Variants in HMCN1 observed in about 807,000 individuals in gnomAD.
The protein encoded by HMCN1 is hemicentin-1.
A neutral mutation model predicts 625.9 loss-of-function variants in HMCN1; 321 were observed. That is an observed-to-expected ratio of 0.51 (90% confidence interval 0.47 to 0.56). HMCN1 has a LOEUF of 0.56. Ranked by LOEUF, HMCN1 falls within the 20% of genes least tolerant of loss-of-function variation. The probability of loss-of-function intolerance (pLI) is 0.00; values close to 1 mark genes in which losing one functional copy is unlikely to be tolerated. For missense variants in HMCN1, 6,588 were observed against 6,887.3 expected (o/e 0.96, Z 1.54); for synonymous variants, 2,425 against 2,417.6 (o/e 1.00, Z -0.09).
chr1:186,187,777 G>A, intron 105 of HMCN1, 106 bp from the exon 106 acceptor site: 1 of 1,443,206 alleles, frequency 6.9e-7, no homozygotes, highest in Non-Finnish European at 9.7e-7. Context: ...TTCATGGCAG[G>A]AGAAGGCTAG....
chr1:185,878,550 A>T (rs917907508), intron 4 of HMCN1, among the ~76,000 whole-genome samples: 3 of 151,992 alleles, frequency 2.0e-5, no homozygotes, highest in African/African-American at 7.3e-5. Context: ...TGATTTGTGG[A>T]TGTTGAACCA....
At position 185,978,001 on chromosome 1, in the gene HMCN1, T is replaced by TAACATAAAAGTACATA; in HGVS notation, c.2566+20_2566+21insAACATAAAAGTACATA. 1 of 1,540,650 alleles carries TAACATAAAAGTACATA rather than the reference T, an allele frequency of 6.5e-7. No homozygotes were observed. The highest frequency in any genetic ancestry group is 9.0e-7 in the Non-Finnish European group (1 of 1,114,178). On this transcript the variant is annotated intron_variant, in intron 16 of 106. Transcript: ENST00000271588. ...TTTTAAGTAGGTTGAAGGAAATATA[T>TAACATAAAAGTACATA]TTTGTACGAATATGTACTTTTATGT...
In HMCN1 at chr1:185,987,521, A is replaced by G; in HGVS notation, c.3025A>G (p.Lys1009Glu). 6.2e-7 allele frequency: 1 copy of G among 1,611,966 alleles called. No individual in the cohort carries two copies. The highest frequency in any genetic ancestry group is 8.5e-7 in the Non-Finnish European group (1 of 1,178,008). ...TLPCKASGNP[K>E]PSVIWSKKGE... ...ACCATGCAAAGCAAGTGGAAATCCCAAACCGTCTGTCATCTGGTCCAAGGT... is the reference window on the plus strand; with the variant it reads ...ACCATGCAAAGCAAGTGGAAATCCCGAACCGTCTGTCATCTGGTCCAAGGT... Residue 1009 changes from lysine to glutamate, a missense_variant, in exon 20 of 107, where the codon AAA becomes GAA. By Grantham distance (56) the Lys-to-Glu change is moderately conservative (BLOSUM62 1). This residue lies in a region of HMCN1 where 4,628 missense variants were observed against 4,853.1 expected (regional missense o/e 0.95). Coordinates refer to ENST00000271588, the MANE Select transcript of HMCN1 (RefSeq NM_031935.3).
In HMCN1 at chr1:185,954,551, A is replaced by G. The variant is rs571648810; in HGVS notation, c.1829-7967A>G. Among the ~76,000 whole-genome samples the G allele has an allele frequency of 2.0e-5, 3 of 152,236 alleles. No homozygotes were observed. In the South Asian group the frequency reaches 6.2e-4, roughly 32 times the overall value. ...GGTAAGGCCTTTTTAAACAACAATC[A>G]ACAATTGTTGATCCTCTAGATTCCT... On this transcript the variant is annotated intron_variant, in intron 11 of 106. Transcript: ENST00000271588.
At chr1:185,893,138 T>C (rs1665238827) in intron 4 of HMCN1, among the ~76,000 whole-genome samples, 1 of 152,252 alleles carries the variant, frequency 6.6e-6, no homozygotes, top group African/African-American at 2.4e-5. Flanking sequence ...TTGCACTTCC[T>C]GAGTGAGGCA....
In HMCN1 at chr1:185,820,828, A is replaced by G. The variant is rs376117209; in HGVS notation, c.269-25198A>G. ...TTTATGTCTGCAAAGCGCTTGCCATAAACTACAAGTGAAATGGACCATCTA... is the reference window on the plus strand; with the variant it reads ...TTTATGTCTGCAAAGCGCTTGCCATGAACTACAAGTGAAATGGACCATCTA... On this transcript the variant is annotated intron_variant, in intron 1 of 106. Coordinates refer to ENST00000271588, the MANE Select transcript of HMCN1 (RefSeq NM_031935.3). Among the ~76,000 whole-genome samples the G allele has an allele frequency of 3.2e-4, 48 of 152,222 alleles. No individual in the cohort carries two copies. In the East Asian group the frequency reaches 6.2e-3, roughly 20 times the overall value.
At chr1:186,004,396 G>A (rs1028652758) in intron 29 of HMCN1, among the ~76,000 whole-genome samples, 9 of 152,138 alleles carry the variant, frequency 5.9e-5, no homozygotes, top group Admixed American at 2.0e-4. Context: ...AGATATCTAA[G>A]GCCTAAGTAG....
chr1:185,845,946 A>T lies in HMCN1; in HGVS notation c.269-80A>T. On this transcript the variant is annotated intron_variant, in intron 1 of 106. Coordinates refer to ENST00000271588, the MANE Select transcript of HMCN1 (RefSeq NM_031935.3). Reference sequence around the variant, plus strand: ...ATAAGTAACCATGTACTGCAAGGTGAAAAGACATCTATAAACACAAGAAAG... The same window carrying T: ...ATAAGTAACCATGTACTGCAAGGTGTAAAGACATCTATAAACACAAGAAAG... The T allele has an allele frequency of 3.4e-6, 3 of 883,066 alleles. No homozygotes were observed. In the East Asian group the frequency reaches 7.3e-5, roughly 22 times the overall value. The allele number at this position is 883,066 out of a possible 1,614,324, so 54.7% of individuals were successfully genotyped here.
intron 36 of HMCN1, among the ~76,000 whole-genome samples, chr1:186,034,135 A>T (rs563065071): frequency 6.6e-6 from 1 of 152,192 alleles, no homozygotes; most frequent in Non-Finnish European, 1.5e-5. Flanking sequence ...TATCAGAGTG[A>T]TATAATGTGA....
intron 19 of HMCN1, among the ~76,000 whole-genome samples, chr1:185,985,148 G>T (rs1426946091): frequency 6.6e-6 from 1 of 152,122 alleles, no homozygotes; most frequent in African/African-American, 2.4e-5. Flanking sequence ...TGTTATGTCT[G>T]CTTCTCTTAA....
intron 6 of HMCN1, 68 bp downstream of exon 6, chr1:185,911,848 CA>C: frequency 8.4e-7 from 1 of 1,194,698 alleles, no homozygotes; most frequent in East Asian, 2.3e-5. Context: ...GAAGTATACA[CA>C]ATGGTTTTTT....
intron 4 of HMCN1, among the ~76,000 whole-genome samples, chr1:185,889,442 G>C (rs1459761687): frequency 2.0e-5 from 3 of 146,684 alleles, no homozygotes; most frequent in Admixed American, 2.0e-4. Context: ...TACTGGCTGT[G>C]GGTTTGTCAT....
In HMCN1 at chr1:185,982,367, G is replaced by C; in HGVS notation, c.2768G>C (p.Arg923Pro). The change falls in exon 18 of 107, where the codon CGG (arginine) becomes CCG (proline). Residue 923 changes from arginine (R) to proline (P), a missense_variant. This residue lies in a region of HMCN1 where 4,628 missense variants were observed against 4,853.1 expected (regional missense o/e 0.95). Coordinates refer to ENST00000271588, the MANE Select transcript of HMCN1 (RefSeq NM_031935.3). ...LLAGNPIPER[R>P]WIKNSAMLLQ... ...GCTGGAAATCCCATTCCAGAACGTCGGTGGATTAAGAATTCAGCTATGGTA... is the reference window on the plus strand; with the variant it reads ...GCTGGAAATCCCATTCCAGAACGTCCGTGGATTAAGAATTCAGCTATGGTA... The C allele has an allele frequency of 1.9e-6, 3 of 1,613,400 alleles. No individual in the cohort carries two copies. Among genetic ancestry groups the C allele is most frequent in the Non-Finnish European group, 2.5e-6 (3 of 1,179,596 alleles).
intron 1 of HMCN1, among the ~76,000 whole-genome samples, chr1:185,769,526 TATAAAA>T (rs934933442): frequency 3.3e-5 from 5 of 152,146 alleles, no homozygotes; most frequent in African/African-American, 7.2e-5. Flanking sequence ...TTGCCTATCA[TATAAAA>T]AGAAAAATGG....
At chr1:185,912,907 C>T (rs982746617) in intron 6 of HMCN1, among the ~76,000 whole-genome samples, 1 of 152,036 alleles carries the variant, frequency 6.6e-6, no homozygotes, top group Non-Finnish European at 1.5e-5. Context: ...TGTTTCCTTA[C>T]ATAAAAAATG....
At chr1:185,869,487 T>C (rs1222539487) in intron 4 of HMCN1, among the ~76,000 whole-genome samples, 2 of 152,110 alleles carry the variant, frequency 1.3e-5, no homozygotes, top group East Asian at 3.9e-4. Flanking sequence ...TGCCATCATG[T>C]TTGCTAGAAA....
intron 4 of HMCN1, among the ~76,000 whole-genome samples, chr1:185,907,504 C>T (rs1006393698): frequency 1.4e-4 from 21 of 152,080 alleles, no homozygotes; most frequent in African/African-American, 4.1e-4. Flanking sequence ...TTTATCTGAG[C>T]ACTTCACTGC....
In HMCN1 at chr1:185,925,167, C is replaced by T. The variant is rs200897962; in HGVS notation, c.1406C>T (p.Thr469Ile). 1.2e-6 allele frequency: 2 copies of T among 1,613,748 alleles called. No individual in the cohort carries two copies. The highest frequency in any genetic ancestry group is 1.7e-5 in the Admixed American group (1 of 60,006). Residue 469 changes from threonine (T) to isoleucine (I), a missense_variant, in exon 9 of 107, where the codon ACA (threonine) becomes ATA (isoleucine). Transcript: ENST00000271588. ...FTLSFVRNGV[T>I]LGVDQYLKES... The stretch of plus-strand genomic sequence containing the variant: ...TTGAGCTTTGTCAGAAATGGAGTTA[C>T]ACTTGGAGTAGACCAGTATTTGAAG...
chr1:186,124,546 G>T (rs879738084), intron 81 of HMCN1, among the ~76,000 whole-genome samples: 5 of 151,910 alleles, frequency 3.3e-5, no homozygotes, highest in Non-Finnish European at 1.5e-5. Flanking sequence ...GAGTATTTAC[G>T]ATGTACCATT....
Sources: gnomAD v4.1 joint callset for allele counts (sites outside exome capture counted in the v4.1 genomes callset) on GRCh38, gnomAD v4.1.1 for gene constraint, gnomAD v4.1.1 regional missense constraint, MANE v1.5 for transcripts, NCBI Gene and HGNC (gene_info 2026-07-23, HGNC 2026-07-21) for gene names.